RFX1: variants seen among roughly 807,000 people sequenced by gnomAD.
RFX1 encodes regulatory factor X1.
In RFX1, 42 loss-of-function variants were observed where a neutral mutation model predicts 119.6. The observed-to-expected ratio is 0.35, with a 90% CI of 0.27 to 0.45. The LOEUF (loss-of-function observed/expected upper bound fraction) is 0.45, where lower values mean the gene tolerates loss of function less well. Among genes scored for constraint, RFX1 ranks in the 20% least tolerant of loss-of-function variants. The pLI is 1.00. For synonymous variants in RFX1, 628 were observed against 618.5 expected (o/e 1.02, Z -0.23); for missense variants, 1,118 against 1,368.1 (o/e 0.82, Z 2.88).
rs1975373984 is a variant in RFX1 at position 14,006,210 on chromosome 19, T to TG, written c.-161dup. On this transcript the variant is annotated 5_prime_UTR_variant, in exon 1 of 21. Coordinates refer to ENST00000254325, the MANE Select transcript of RFX1 (RefSeq NM_002918.5). ...GGGTCCCCGGGCCGGGCCTGGGGGG[T>TG]GGGGGTGGGGGTCGGCCGGGCGGTT... The TG allele has an allele frequency of 6.8e-6, 1 of 147,362 alleles. No homozygotes were observed. Among genetic ancestry groups the TG allele is most frequent in the African/African-American group, 2.5e-5 (1 of 39,688 alleles). 9.1% of individuals were successfully genotyped at this position (147,362 alleles called of 1,614,324 possible).
In RFX1 at chr19:13,980,521, G is replaced by A. The variant is rs115719307; in HGVS notation, c.738+52C>T. ...GGCACAGCCGTGGGGGGCTGCAGAG[G>A]CTGCCTGGCCGGTACCCCTGGACCG... On this transcript the variant is annotated intron_variant, in intron 6 of 20. Coordinates refer to ENST00000254325, the MANE Select transcript of RFX1 (RefSeq NM_002918.5). The surrounding 1 kb of genome is among the most constrained non-coding windows in gnomAD (Gnocchi z 5.1). 956 of 1,204,012 alleles carry A rather than the reference G, an allele frequency of 7.9e-4. 3 individuals carry two copies. The African/African-American group carries it at 0.013, about 16-fold the overall frequency. 74.6% of individuals were successfully genotyped at this position (1,204,012 alleles called of 1,614,324 possible).
intron 2 of RFX1, 68 bp from the exon 3 acceptor site, chr19:13,983,663 CT>C: frequency 1.5e-6 from 2 of 1,358,842 alleles, no homozygotes; most frequent in Non-Finnish European, 2.0e-6. Context: ...CTGAGCCCCC[CT>C]GGAGGGGAAG....
rs1218718012 is a variant in RFX1 at position 13,969,007 on chromosome 19, G to A, written c.1497-113C>T. The stretch of plus-strand genomic sequence containing the variant: ...CTGTTAGGAGAATGGATAGAGAGAC[G>A]CCTGCCCTGCAGAGACGGGGGTGCT... On this transcript the variant is annotated intron_variant, in intron 10 of 20. Coordinates refer to ENST00000254325, the MANE Select transcript of RFX1 (RefSeq NM_002918.5). The surrounding 1 kb of genome is among the most constrained non-coding windows in gnomAD (Gnocchi z 4.5). The A allele has an allele frequency of 3.3e-6, 4 of 1,228,988 alleles. No individual in the cohort carries two copies. The highest frequency in any genetic ancestry group is 2.9e-5 in the South Asian group (2 of 68,324). The allele number at this position is 1,228,988 out of a possible 1,614,324, so 76.1% of individuals were successfully genotyped here.
intron 2 of RFX1, among the ~76,000 whole-genome samples, chr19:13,992,602 G>A (rs190985387): frequency 6.6e-6 from 1 of 152,322 alleles, no homozygotes; most frequent in African/African-American, 2.4e-5. Flanking sequence ...CTCACCCCCA[G>A]CTGACCTCCC....
chr19:13,999,370 A>G (rs1228127770), intron 1 of RFX1, among the ~76,000 whole-genome samples: 3 of 152,192 alleles, frequency 2.0e-5, no homozygotes, highest in Non-Finnish European at 4.4e-5. Context: ...AGGGCTCGGC[A>G]AAGTTCTGTA....
Position 13,972,799 on chromosome 19 carries a change from T to C in RFX1, c.1258A>G (p.Met420Val). The C allele has an allele frequency of 1.2e-6, 2 of 1,608,598 alleles. No individual in the cohort carries two copies. The highest frequency in any genetic ancestry group is 1.7e-6 in the Non-Finnish European group (2 of 1,178,086). Reference protein sequence around the residue: ...AGTYVIQGGYMLGSASQSYSH... With the variant: ...AGTYVIQGGYVLGSASQSYSH... ...TAAGACTGGCTGGCACTGCCCAGCA[T>C]GTAGCCGCCTTGGATCACGTAGGTG... is the stretch of plus-strand genomic sequence containing the variant. Residue 420 changes from methionine (M) to valine (V), a missense_variant, in exon 9 of 21, where the codon ATG (methionine) becomes GTG (valine). Physicochemically the swap from Met to Val is conservative, Grantham distance 21. Around this residue, in one of 5 missense-constraint regions of RFX1, gnomAD observed 542 missense variants for 602.7 expected, o/e 0.90. Transcript: ENST00000254325.
rs1218394460 is a variant in RFX1, at chr19:13,973,141, A to G, written c.930-14T>C. ...GTGCTGGAACGGCTGGGAAAGAGGC[A>G]AAGCCAAGGGAGAGTCAGGGGGATG... On this transcript the variant is annotated splice_polypyrimidine_tract_variant and intron_variant, in intron 8 of 20. Transcript: ENST00000254325. 3 of 1,493,302 alleles carry G rather than the reference A, an allele frequency of 2.0e-6. No individual in the cohort carries two copies. The highest frequency in any genetic ancestry group is 2.7e-6 in the Non-Finnish European group (3 of 1,115,680). The allele number at this position is 1,493,302 out of a possible 1,614,324, so 92.5% of individuals were successfully genotyped here.
intron 1 of RFX1, among the ~76,000 whole-genome samples, chr19:13,999,355 A>C (rs1345172913): frequency 2.0e-5 from 3 of 152,186 alleles, no homozygotes; most frequent in African/African-American, 7.2e-5. Flanking sequence ...CTATTACTTT[A>C]AATGAGGGCT....
chr19:13,996,814 C>A (rs1975039846), intron 1 of RFX1, among the ~76,000 whole-genome samples: 1 of 151,586 alleles, frequency 6.6e-6, no homozygotes, highest in South Asian at 2.1e-4. Flanking sequence ...CCTCTGCCCC[C>A]ACGGGTTCAA....
intron 2 of RFX1, among the ~76,000 whole-genome samples, chr19:13,991,106 T>C (rs898494872): frequency 1.3e-5 from 2 of 152,126 alleles, no homozygotes; most frequent in African/African-American, 4.8e-5. Context: ...AGGAGCGTGT[T>C]CTGGATATGG....
At chr19:13,978,728 C>G (rs897689187) in intron 7 of RFX1, among the ~76,000 whole-genome samples, 1 of 152,152 alleles carries the variant, frequency 6.6e-6, no homozygotes, top group Non-Finnish European at 1.5e-5. Context: ...CGCTGCCCCC[C>G]GCCCGTGCGT....
chr19:13,977,852 C>A, intron 8 of RFX1, 140 bp downstream of exon 8: 1 of 630,930 alleles, frequency 1.6e-6, no homozygotes, highest in Non-Finnish European at 2.7e-6. Context: ...CTGGGGAGTG[C>A]CCACCTGTGT....
In RFX1 at chr19:13,965,804, C is replaced by A; in HGVS notation, c.1962-27G>T. Reference sequence around the variant, plus strand: ...TGCGGGCACCCACCCCACCCCGGGTCACTGGGGTACTCTATGGTCCTGCCC... The same window carrying A: ...TGCGGGCACCCACCCCACCCCGGGTAACTGGGGTACTCTATGGTCCTGCCC... On this transcript the variant is annotated intron_variant, in intron 14 of 20. Coordinates refer to ENST00000254325, the MANE Select transcript of RFX1 (RefSeq NM_002918.5). This position sits in a 1 kb window ranked among gnomAD's most constrained non-coding sequence, Gnocchi z 4.7. 1 of 1,610,350 alleles carries A rather than the reference C, an allele frequency of 6.2e-7. No homozygotes were observed. Among genetic ancestry groups the A allele is most frequent in the South Asian group, 1.1e-5 (1 of 90,724 alleles).
intron 20 of RFX1, 22 bp from the exon 21 acceptor site, chr19:13,962,886 C>G (rs773868586): frequency 1.6e-5 from 25 of 1,532,588 alleles, no homozygotes; most frequent in Non-Finnish European, 2.1e-5. Context: ...GGACCAAGTC[C>G]GGCTCGGGGC....
At chr19:13,983,844 C>T (rs1974515907) in intron 2 of RFX1, among the ~76,000 whole-genome samples, 1 of 152,216 alleles carries the variant, frequency 6.6e-6, no homozygotes, top group Non-Finnish European at 1.5e-5. Context: ...TTTCCTCATC[C>T]TGAAGTCAGA....
chr19:13,973,176 G>GA, intron 8 of RFX1, 49 bp from the exon 9 acceptor site: 1 of 1,363,596 alleles, frequency 7.3e-7, no homozygotes, highest in Non-Finnish European at 1.0e-6. Context: ...GAGAACTGGG[G>GA]GGCCGAGGGG....
rs532767570 is a variant in RFX1, at chr19:13,966,953, G to T, written c.1733-202C>A. Among the ~76,000 whole-genome samples, 1 of 152,172 alleles carries T rather than the reference G, an allele frequency of 6.6e-6. No individual in the cohort carries two copies. Among genetic ancestry groups the T allele is most frequent in the African/African-American group, 2.4e-5 (1 of 41,440 alleles). On this transcript the variant is annotated intron_variant, in intron 12 of 20. Transcript: ENST00000254325. The surrounding 1 kb of genome is among the most constrained non-coding windows in gnomAD (Gnocchi z 6.3). ...CTCCTCTGGCAGAGAGGACAGGAGG[G>T]TCTTGTGCCAGCCCTGCCTGTCTGC...
At chr19:13,973,308 G>A (rs1213215242) in intron 8 of RFX1, among the ~76,000 whole-genome samples, 181 bp from the exon 9 acceptor site, 3 of 152,090 alleles carry the variant, frequency 2.0e-5, no homozygotes. Flanking sequence ...GTGCTTGATG[G>A]GCAGTATTTC....
intron 3 of RFX1, 33 bp downstream of exon 3, chr19:13,983,453 C>T (rs1264205783): frequency 2.0e-6 from 3 of 1,531,460 alleles, no homozygotes; most frequent in South Asian, 1.2e-5. Flanking sequence ...CCTCCCGGGC[C>T]CTCCCCCACC....
Sources: gnomAD v4.1 joint callset for allele counts (sites outside exome capture counted in the v4.1 genomes callset) on GRCh38, gnomAD v4.1.1 for gene constraint, gnomAD v4.1.1 regional missense constraint, Gnocchi (gnomAD v3.1) non-coding constraint, MANE v1.5 for transcripts, NCBI Gene and HGNC (gene_info 2026-07-23, HGNC 2026-07-21) for gene names.